The following P2RY14 variants were observed in gnomAD, a reference collection of about 807,000 sequenced individuals.
P2RY14 encodes the protein purinergic receptor P2Y14, also known as P2Y purinoceptor 14.
P2RY14 carries 2 observed loss-of-function variants against 0.9 expected under a neutral mutation model. The observed-to-expected ratio is 2.16, with a 90% CI of 0.88 to 6.79. The LOEUF (loss-of-function observed/expected upper bound fraction) is 6.79. P2RY14 is among the 30% of genes most tolerant of loss of function. P2RY14 has a pLI of 0.05. For missense variants in P2RY14, 378 were observed against 400.1 expected, an observed-to-expected ratio of 0.94 and a Z score of 0.47; for synonymous variants, 158 against 147.2, an observed-to-expected ratio of 1.07 and a Z score of -0.53.
At chr3:151,254,019 T>C (rs1737339261) in intron 1 of P2RY14, among the ~76,000 whole-genome samples, 1 of 151,572 alleles carries the variant, frequency 6.6e-6, no homozygotes, top group Non-Finnish European at 1.5e-5. Flanking sequence ...TTTGTTAATT[T>C]AAACTTTTAA....
chr3:151,252,698 A>G (rs967048143), intron 1 of P2RY14, among the ~76,000 whole-genome samples: 2 of 152,214 alleles, frequency 1.3e-5, no homozygotes, highest in Non-Finnish European at 2.9e-5. Context: ...CTTATGATGC[A>G]TGCAAATAGA....
In P2RY14 at chr3:151,216,567, A is replaced by G. The variant is rs554401788; in HGVS notation, c.-24-2227T>C. Among the ~76,000 whole-genome samples the G allele has an allele frequency of 2.0e-5, 3 of 152,324 alleles. No individual in the cohort carries two copies. The South Asian group carries it at 6.2e-4, about 32-fold the overall frequency. On this transcript the variant is annotated intron_variant, in intron 2 of 2. Coordinates refer to ENST00000309170, the MANE Select transcript of P2RY14 (RefSeq NM_014879.4). The stretch of plus-strand genomic sequence containing the variant: ...TTTGCTTTATGGCAAAACTAGAAAT[A>G]TTGATAGACTTGATTTTGCCAGTCT...
At chr3:151,216,631 T>A (rs1160602360) in intron 2 of P2RY14, among the ~76,000 whole-genome samples, 1 of 152,190 alleles carries the variant, frequency 6.6e-6, no homozygotes, top group Non-Finnish European at 1.5e-5. Context: ...CCCAAATCAC[T>A]TCCTCCACAA....
chr3:151,275,651 A>C (rs1370567478), intron 1 of P2RY14, among the ~76,000 whole-genome samples: 1 of 152,212 alleles, frequency 6.6e-6, no homozygotes, highest in Admixed American at 6.5e-5. Context: ...TTCATTAATT[A>C]CTAGATTTAT....
chr3:151,254,475 G>T (rs761874114), intron 1 of P2RY14, among the ~76,000 whole-genome samples: 2 of 152,116 alleles, frequency 1.3e-5, no homozygotes, highest in South Asian at 2.1e-4. Flanking sequence ...CTGCCCATTT[G>T]CCCATTTTCC....
At chr3:151,257,559 G>A (rs1354371679) in intron 1 of P2RY14, among the ~76,000 whole-genome samples, 1 of 152,244 alleles carries the variant, frequency 6.6e-6, no homozygotes, top group Non-Finnish European at 1.5e-5. Flanking sequence ...ATACTGTTGT[G>A]AGGAATATTG....
In P2RY14 at chr3:151,213,294, A is replaced by G. The variant is rs1297466712; in HGVS notation, c.*6T>C. The G allele has an allele frequency of 1.9e-6, 3 of 1,588,994 alleles. No homozygotes were observed. The highest frequency in any genetic ancestry group is 2.6e-6 in the Non-Finnish European group (3 of 1,169,134). On this transcript the variant is annotated 3_prime_UTR_variant, in exon 3 of 3. Transcript: ENST00000309170. ...ACGTGGTCTTTCTTTGGAAGAGGGT[A>G]GGAACTCACAAAGTATCTGTGCTTT...
At chr3:151,261,711 TGTTTTGTTTTGTTTTTGTTG>T (rs1437921470) in intron 1 of P2RY14, among the ~76,000 whole-genome samples, 1 of 151,364 alleles carries the variant, frequency 6.6e-6, no homozygotes, top group African/African-American at 2.4e-5. Flanking sequence ...TGTTTTGTTT[TGTTTTGTTTTGTTTTTGTTG>T]TGTTGTGTTT....
intron 2 of P2RY14, among the ~76,000 whole-genome samples, chr3:151,216,217 C>A (rs1728188832): frequency 6.6e-6 from 1 of 152,128 alleles, no homozygotes; most frequent in Admixed American, 6.5e-5. Context: ...AATGAATATG[C>A]ACTCTGGGAA....
intron 1 of P2RY14, among the ~76,000 whole-genome samples, chr3:151,250,708 G>A (rs1345996678): frequency 2.0e-5 from 3 of 152,152 alleles, no homozygotes; most frequent in Non-Finnish European, 4.4e-5. Context: ...TGGCTATTGT[G>A]AACAATGCTG....
At chr3:151,242,985 C>T (rs1734526889) in intron 1 of P2RY14, among the ~76,000 whole-genome samples, 2 of 151,580 alleles carry the variant, frequency 1.3e-5, no homozygotes, top group African/African-American at 2.4e-5. Flanking sequence ...GCCTCAGGAG[C>T]CCATGCGATC....
intron 1 of P2RY14, among the ~76,000 whole-genome samples, chr3:151,272,580 T>C (rs952640413): frequency 2.6e-5 from 4 of 152,218 alleles, no homozygotes; most frequent in African/African-American, 9.6e-5. Context: ...TGGATATTCT[T>C]ACAAAGTGCA....
intron 1 of P2RY14, among the ~76,000 whole-genome samples, chr3:151,243,057 G>A (rs373569351): frequency 1.3e-5 from 2 of 151,004 alleles, no homozygotes; most frequent in African/African-American, 2.4e-5. Context: ...GAGAAGGGAA[G>A]TTTAGAGAAA....
At chr3:151,237,336 C>CT (rs1210483322) in intron 1 of P2RY14, among the ~76,000 whole-genome samples, 2,052 of 96,334 alleles carry the variant, frequency 0.021, 49 homozygotes, top group African/African-American at 0.063. Context: ...CCACGCCTGG[C>CT]TTTTTTTTTT....
intron 1 of P2RY14, among the ~76,000 whole-genome samples, chr3:151,255,010 T>C (rs1737560133): frequency 6.6e-6 from 1 of 152,208 alleles, no homozygotes; most frequent in Non-Finnish European, 1.5e-5. Flanking sequence ...AACTTTATAT[T>C]ATACTTAACA....
intron 1 of P2RY14, among the ~76,000 whole-genome samples, chr3:151,235,692 C>CAAATAAATAAAT (rs139535921): frequency 7.4e-5 from 11 of 149,086 alleles, no homozygotes; most frequent in African/African-American, 2.7e-4. Context: ...GACTCCATCT[C>CAAATAAATAAAT]AAATAAATAA....
chr3:151,252,413 ACT>A (rs1328184579), intron 1 of P2RY14, among the ~76,000 whole-genome samples: 2 of 152,146 alleles, frequency 1.3e-5, no homozygotes, highest in Non-Finnish European at 2.9e-5. Context: ...TGGCATAAAT[ACT>A]GATTTTTAAT....
At chr3:151,237,338 TTTTTTTTTTTTC>T (rs1733066179) in intron 1 of P2RY14, among the ~76,000 whole-genome samples, 1 of 97,292 alleles carries the variant, frequency 1.0e-5, no homozygotes, top group Non-Finnish European at 2.0e-5. Context: ...ACGCCTGGCT[TTTTTTTTTTTTC>T]TTTTTTTTTT....
At chr3:151,226,955 G>A (rs1311963425) in intron 1 of P2RY14, among the ~76,000 whole-genome samples, 2 of 152,186 alleles carry the variant, frequency 1.3e-5, no homozygotes, top group South Asian at 2.1e-4. Flanking sequence ...GCTGCATGTG[G>A]TTTGGATGCC....
Sources: allele counts gnomAD v4.1 joint callset (sites outside exome capture counted in the v4.1 genomes callset), GRCh38; gene constraint gnomAD v4.1.1; transcripts MANE v1.5; gene names NCBI Gene and HGNC (gene_info 2026-07-23, HGNC 2026-07-21).